The following CRTAC1 variants were observed in gnomAD, a reference collection of about 807,000 sequenced individuals.
CRTAC1 encodes the protein cartilage acidic protein 1.
CRTAC1 carries 37 observed loss-of-function variants against 67.8 expected under a neutral mutation model. The ratio of observed to expected loss-of-function variants is 0.55; its 90% CI spans 0.42 to 0.72. The LOEUF is 0.72. Among genes scored for constraint, CRTAC1 ranks in the 30% least tolerant of loss-of-function variants. The probability of loss-of-function intolerance (pLI) is 0.00; values close to 1 mark genes in which losing one functional copy is unlikely to be tolerated. For synonymous variants in CRTAC1, 348 were observed against 371.0 expected (o/e 0.94, Z 0.71); for missense variants, 780 against 931.6 (o/e 0.84, Z 2.12).
At chr10:97,933,374 G>T in intron 3 of CRTAC1, among the ~76,000 whole-genome samples, 1 of 152,268 alleles carries the variant, frequency 6.6e-6, no homozygotes, top group East Asian at 1.9e-4. Context: ...CATGAGCCCA[G>T]GGCCCTTCTG....
chr10:97,976,552 G>A (rs905630961), intron 2 of CRTAC1, among the ~76,000 whole-genome samples: 6 of 152,142 alleles, frequency 3.9e-5, no homozygotes, highest in Non-Finnish European at 7.3e-5. Flanking sequence ...GAATGGTGTC[G>A]GATACATGGA....
chr10:97,985,733 T>A (rs1161340032), intron 2 of CRTAC1, among the ~76,000 whole-genome samples: 1 of 152,104 alleles, frequency 6.6e-6, no homozygotes, highest in Non-Finnish European at 1.5e-5. Flanking sequence ...CAGAGAAGAA[T>A]CACCCTTCAA....
intron 3 of CRTAC1, among the ~76,000 whole-genome samples, chr10:97,933,870 G>C (rs1326947653): frequency 6.6e-6 from 1 of 152,196 alleles, no homozygotes; most frequent in Non-Finnish European, 1.5e-5. Context: ...ACCATCTGGT[G>C]ACTGGGTCCC....
intron 9 of CRTAC1, among the ~76,000 whole-genome samples, chr10:97,896,198 C>T (rs1472014202): frequency 6.6e-6 from 1 of 152,166 alleles, no homozygotes; most frequent in Admixed American, 6.5e-5. Flanking sequence ...TCCTTCCTTC[C>T]CCTGGTCTTT....
At chr10:97,881,576 T>C (rs949254926) in intron 13 of CRTAC1, among the ~76,000 whole-genome samples, 2 of 152,200 alleles carry the variant, frequency 1.3e-5, no homozygotes, top group Admixed American at 1.3e-4. Context: ...TGACACTTGC[T>C]GTGTACGAGG....
At chr10:98,014,807 G>C (rs1842966086) in intron 1 of CRTAC1, among the ~76,000 whole-genome samples, 1 of 152,230 alleles carries the variant, frequency 6.6e-6, no homozygotes, top group Non-Finnish European at 1.5e-5. Context: ...AAAAGTGTTG[G>C]TGAGGATGTA....
chr10:97,993,678 T>A (rs761485259), intron 2 of CRTAC1, among the ~76,000 whole-genome samples: 3 of 152,244 alleles, frequency 2.0e-5, no homozygotes, highest in Non-Finnish European at 4.4e-5. Flanking sequence ...TCATTAATCC[T>A]CTTATCTAAA....
At chr10:98,025,744 A>G (rs558949107) in intron 1 of CRTAC1, among the ~76,000 whole-genome samples, 1 of 152,320 alleles carries the variant, frequency 6.6e-6, no homozygotes, top group Non-Finnish European at 1.5e-5. Context: ...AGCCTGCAGG[A>G]GGCTCGGTGA....
At chr10:98,023,226 G>A (rs1368141591) in intron 1 of CRTAC1, among the ~76,000 whole-genome samples, 1 of 152,202 alleles carries the variant, frequency 6.6e-6, no homozygotes, top group Non-Finnish European at 1.5e-5. Context: ...ACCATCTCAT[G>A]GAGTGGGCCT....
chr10:98,019,263 G>A (rs549421391), intron 1 of CRTAC1, among the ~76,000 whole-genome samples: 3 of 152,230 alleles, frequency 2.0e-5, no homozygotes, highest in East Asian at 1.9e-4. Context: ...TACAGACCCC[G>A]CCGCCTGGCT....
intron 2 of CRTAC1, among the ~76,000 whole-genome samples, chr10:98,006,990 AAAAT>A (rs1204676417): frequency 6.6e-6 from 1 of 152,266 alleles, no homozygotes; most frequent in Non-Finnish European, 1.5e-5. Flanking sequence ...TCTAAGAGTC[AAAAT>A]CAGAAATGTC....
At chr10:97,922,035 A>G (rs2136594623) in intron 4 of CRTAC1, among the ~76,000 whole-genome samples, 1 of 152,140 alleles carries the variant, frequency 6.6e-6, no homozygotes, top group African/African-American at 2.4e-5. Flanking sequence ...TTCTCTGAGA[A>G]GTTGCCCACG....
At chr10:97,985,438 C>T (rs1269484478) in intron 2 of CRTAC1, among the ~76,000 whole-genome samples, 1 of 152,072 alleles carries the variant, frequency 6.6e-6, no homozygotes, top group Non-Finnish European at 1.5e-5. Flanking sequence ...TGGAACTAGA[C>T]CCTGCTCCTT....
intron 2 of CRTAC1, among the ~76,000 whole-genome samples, chr10:97,946,714 G>A (rs2051270211): frequency 6.6e-6 from 1 of 152,116 alleles, no homozygotes; most frequent in Non-Finnish European, 1.5e-5. Flanking sequence ...AACCTACCAG[G>A]GCCTCCTGAT....
At chr10:97,950,270 G>GAGAGAGAGAGAGAT (rs1564908751) in intron 2 of CRTAC1, among the ~76,000 whole-genome samples, 9 of 151,940 alleles carry the variant, frequency 5.9e-5, no homozygotes, top group Non-Finnish European at 1.2e-4. Flanking sequence ...GAGAGAGAGA[G>GAGAGAGAGAGAGAT]AGAGAGAGAG....
chr10:97,881,298 C>G (rs563905547), intron 13 of CRTAC1, among the ~76,000 whole-genome samples: 1 of 152,300 alleles, frequency 6.6e-6, no homozygotes, highest in East Asian at 1.9e-4. Context: ...TCCTGTCTCC[C>G]GCTTTTCACT....
At chr10:97,934,371 C>A (rs930727150) in intron 3 of CRTAC1, among the ~76,000 whole-genome samples, 1 of 152,172 alleles carries the variant, frequency 6.6e-6, no homozygotes, top group African/African-American at 2.4e-5. Context: ...TCAGGCCTCA[C>A]TTGGTGGCAA....
chr10:98,014,324 TA>T (rs1334148558), intron 1 of CRTAC1, among the ~76,000 whole-genome samples: 1 of 152,194 alleles, frequency 6.6e-6, no homozygotes, highest in Non-Finnish European at 1.5e-5. Context: ...CAATGCGTGT[TA>T]AAATTTGAGA....
intron 4 of CRTAC1, among the ~76,000 whole-genome samples, chr10:97,919,551 G>A (rs2136591116): frequency 6.6e-6 from 1 of 152,240 alleles, no homozygotes; most frequent in South Asian, 2.1e-4. Context: ...GGTTATCTGA[G>A]TCTTTATGCT....
Sources: gnomAD v4.1 joint callset for allele counts (sites outside exome capture counted in the v4.1 genomes callset) on GRCh38, gnomAD v4.1.1 for gene constraint, MANE v1.5 for transcripts, NCBI Gene and HGNC (gene_info 2026-07-23, HGNC 2026-07-21) for gene names.